TTLL7: variants seen among roughly 807,000 people sequenced by gnomAD.
TTLL7 encodes the protein tubulin polyglutamylase TTLL7.
Under a neutral mutation model 120.2 loss-of-function variants are expected in TTLL7, and 53 were observed. That is an observed-to-expected ratio of 0.44 (90% CI 0.35 to 0.55). TTLL7 has a LOEUF of 0.55. Ranked by LOEUF, TTLL7 falls within the 20% of genes least tolerant of loss-of-function variation. The pLI is 0.00. For missense variants in TTLL7, 803 were observed against 1,054.7 expected (o/e 0.76, Z 3.31); for synonymous variants, 353 against 351.7 (o/e 1.00, Z -0.04).
chr1:83,907,400 C>T, intron 16 of TTLL7, 56 bp downstream of exon 16: 1 of 1,507,362 alleles, frequency 6.6e-7, no homozygotes, highest in Non-Finnish European at 9.2e-7. Flanking sequence ...ATCTGATCCC[C>T]TTTGCCTGAG....
Position 83,881,273 on chromosome 1 carries a change from G to T in TTLL7, c.2543+1690C>A, listed in dbSNP as rs528192156. On this transcript the variant is annotated intron_variant, in intron 20 of 20. Transcript: ENST00000260505. ...AATTAAACTAAAGAGCTTCTGCAGA[G>T]CAAAAGAAACTACCATCAGAGTGAA... Among the ~76,000 whole-genome samples, 56 of 150,566 alleles carry T rather than the reference G, an allele frequency of 3.7e-4. 1 individual carries two copies. In the South Asian group the frequency reaches 0.011, roughly 30 times the overall value.
At chr1:83,944,968 A>T (rs929484980) in intron 6 of TTLL7, among the ~76,000 whole-genome samples, 21 of 152,226 alleles carry the variant, frequency 1.4e-4, no homozygotes, top group African/African-American at 4.6e-4. Context: ...CGATAATGGT[A>T]ATTCCAGGGC....
At chr1:83,936,227 G>A (rs1274328618) in intron 8 of TTLL7, among the ~76,000 whole-genome samples, 3 of 151,980 alleles carry the variant, frequency 2.0e-5, no homozygotes, top group South Asian at 2.1e-4. Flanking sequence ...ACCAATACAC[G>A]TAAAGCTAAT....
chr1:83,986,491 C>CA (rs747640688), intron 1 of TTLL7, among the ~76,000 whole-genome samples: 3 of 152,092 alleles, frequency 2.0e-5, no homozygotes, highest in Non-Finnish European at 4.4e-5. Flanking sequence ...AGAGCAGGTA[C>CA]AAAAAACCTA....
intron 19 of TTLL7, chr1:83,887,231 T>C: frequency 8.3e-7 from 1 of 1,200,116 alleles, no homozygotes; most frequent in Non-Finnish European, 1.1e-6. Context: ...AGGCCTTGGA[T>C]TCTTGGATAT....
chr1:83,926,690 T>C (rs1461092018), intron 10 of TTLL7, among the ~76,000 whole-genome samples: 1 of 152,272 alleles, frequency 6.6e-6, no homozygotes, highest in South Asian at 2.1e-4. Context: ...TAAATGCTCA[T>C]GCTGCAAGCC....
Position 83,907,584 on chromosome 1 carries a change from A to C in TTLL7, c.1864T>G (p.Ser622Ala), listed in dbSNP as rs1368862656. 1.2e-6 allele frequency: 2 copies of C among 1,613,384 alleles called. No homozygotes were observed. Among genetic ancestry groups the C allele is most frequent in the Non-Finnish European group, 1.7e-6 (2 of 1,179,550 alleles). ...SPSSGDTRPF[S>A]AQQMISVSRP... ...GACACAGATATCATTTGTTGAGCAGAAAATGGGCGGGTGTCCCCACTGGAA... is the reference window on the plus strand; with the variant it reads ...GACACAGATATCATTTGTTGAGCAGCAAATGGGCGGGTGTCCCCACTGGAA... Residue 622 changes from serine (S) to alanine (A), a missense_variant, in exon 16 of 21, where the codon TCT becomes GCT. Ser to Ala is a moderately conservative substitution (Grantham distance 99, BLOSUM62 1). Coordinates refer to ENST00000260505, the MANE Select transcript of TTLL7 (RefSeq NM_024686.6).
Position 83,984,593 on chromosome 1 carries a change from A to G in TTLL7, c.-177+14338T>C, listed in dbSNP as rs529584709. Among the ~76,000 whole-genome samples the G allele has an allele frequency of 8.0e-4, 122 of 152,400 alleles. 1 individual carries two copies. The highest frequency in any genetic ancestry group is 9.6e-4 in the East Asian group (5 of 5,194). On this transcript the variant is annotated intron_variant, in intron 1 of 20. Transcript: ENST00000260505. ...TATACACATGGAATGCTATGCAGCC[A>G]TAAAAAGAATGAGATTATATCTTTT...
chr1:83,943,667 GA>G (rs1648199118), intron 6 of TTLL7, among the ~76,000 whole-genome samples: 1 of 152,222 alleles, frequency 6.6e-6, no homozygotes, highest in African/African-American at 2.4e-5. Context: ...AAATTGCGTA[GA>G]GGGGGAGAGT....
Position 83,938,825 on chromosome 1 carries a change from C to T in TTLL7, c.724-809G>A, listed in dbSNP as rs571719804. Among the ~76,000 whole-genome samples the T allele has an allele frequency of 1.3e-3, 201 of 152,228 alleles. 1 individual carries two copies. The highest frequency in any genetic ancestry group is 3.4e-3 in the Middle Eastern group (1 of 294). On this transcript the variant is annotated intron_variant, in intron 7 of 20. Coordinates refer to ENST00000260505, the MANE Select transcript of TTLL7 (RefSeq NM_024686.6). ...CTTTAATTCCTACCCTCCTCATGAT[C>T]CTAAAGATTACTTGAGAGAGCAATG...
At chr1:83,893,247 T>G (rs1000191589) in intron 18 of TTLL7, among the ~76,000 whole-genome samples, 5 of 152,054 alleles carry the variant, frequency 3.3e-5, no homozygotes, top group Non-Finnish European at 5.9e-5. Context: ...ATAAGGACTA[T>G]GATTAATCTG....
At chr1:83,930,634 T>C (rs1659517021) in intron 9 of TTLL7, among the ~76,000 whole-genome samples, 1 of 152,208 alleles carries the variant, frequency 6.6e-6, no homozygotes, top group Admixed American at 6.5e-5. Context: ...GAGTTTATAA[T>C]ACAACTAATG....
chr1:83,947,261 C>T lies in TTLL7; in HGVS notation c.369G>A (p.Leu123=). The change falls in exon 6 of 21, where the codon CTG becomes CTA. Residue 123 remains leucine, a synonymous_variant. Transcript: ENST00000260505. ...AAGTTCGAGGAACAAAGGTATAATC[C>T]AGAGGCCGAGACTTGATCATTCTGT... ...NMTKMIKSRP[L]DYTFVPRTWI... 1.2e-6 allele frequency: 2 copies of T among 1,609,702 alleles called. No homozygotes were observed. Among genetic ancestry groups the T allele is most frequent in the Non-Finnish European group, 1.7e-6 (2 of 1,178,620 alleles).
At chr1:83,986,665 G>A (rs1011233706) in intron 1 of TTLL7, among the ~76,000 whole-genome samples, 4 of 152,102 alleles carry the variant, frequency 2.6e-5, no homozygotes, top group African/African-American at 9.7e-5. Context: ...ACCAATAATT[G>A]TGAAATCCCC....
intron 14 of TTLL7, 113 bp from the exon 15 acceptor site, chr1:83,911,476 G>T: frequency 2.4e-6 from 2 of 821,928 alleles, no homozygotes; most frequent in Non-Finnish European, 3.8e-6. Flanking sequence ...ACTGAAGGTT[G>T]AGAATCCCCC....
rs536971037 is a variant in TTLL7, at chr1:83,999,099, G to C, written c.-345C>G. ...CCACCGCCCGTGGCAGCCACGGCTC[G>C]GGACTCCGGTGCTCGACGCGGAGTG... is the stretch of plus-strand genomic sequence containing the variant. On this transcript the variant is annotated 5_prime_UTR_variant, in exon 1 of 21. Transcript: ENST00000260505. 4.5e-6 allele frequency: 2 copies of C among 441,664 alleles called. No homozygotes were observed. The highest frequency in any genetic ancestry group is 2.4e-5 in the Admixed American group (1 of 41,478). 27.4% of individuals were successfully genotyped at this position (441,664 alleles called of 1,614,324 possible).
intron 1 of TTLL7, among the ~76,000 whole-genome samples, chr1:83,988,073 G>A (rs1448475485): frequency 1.3e-5 from 2 of 152,040 alleles, no homozygotes; most frequent in African/African-American, 2.4e-5. Context: ...GTCTATTGTT[G>A]TCATCTTTAC....
intron 18 of TTLL7, among the ~76,000 whole-genome samples, chr1:83,892,885 AAG>A (rs373141032): frequency 4.8e-4 from 69 of 143,456 alleles, no homozygotes; most frequent in South Asian, 1.1e-3. Flanking sequence ...AAAGAGCAAA[AAG>A]AGAGAAAGAG....
At chr1:83,956,083 T>C (rs1649483360) in intron 1 of TTLL7, among the ~76,000 whole-genome samples, 1 of 152,156 alleles carries the variant, frequency 6.6e-6, no homozygotes, top group African/African-American at 2.4e-5. Context: ...TAATTTACAA[T>C]ATATTACTTT....
Sources: allele counts gnomAD v4.1 joint callset (sites outside exome capture counted in the v4.1 genomes callset), GRCh38; gene constraint gnomAD v4.1.1; transcripts MANE v1.5; gene names NCBI Gene and HGNC (gene_info 2026-07-23, HGNC 2026-07-21).